The following LINGO2 variants were observed in gnomAD, a reference collection of about 807,000 sequenced individuals.
The protein encoded by LINGO2 is leucine-rich repeat and immunoglobulin-like domain-containing nogo receptor-interacting protein 2.
Under a neutral mutation model 30.6 loss-of-function variants are expected in LINGO2, and 14 were observed. That is an observed-to-expected ratio of 0.46 (90% confidence interval 0.30 to 0.72). The LOEUF is 0.72. Among genes scored for constraint, LINGO2 ranks in the 30% least tolerant of loss-of-function variants. The probability of loss-of-function intolerance (pLI) is 0.07; values close to 1 mark genes in which losing one functional copy is unlikely to be tolerated. For synonymous variants in LINGO2, 317 were observed against 288.5 expected, an observed-to-expected ratio of 1.10 and a Z score of -1.00; for missense variants, 729 against 751.7, an observed-to-expected ratio of 0.97 and a Z score of 0.35.
At chr9:28,273,903 C>T (rs1823028149) in intron 4 of LINGO2, among the ~76,000 whole-genome samples, 1 of 152,120 alleles carries the variant, frequency 6.6e-6, no homozygotes, top group Non-Finnish European at 1.5e-5. Flanking sequence ...ATTTACCAGA[C>T]ACAGCAATAT....
At chr9:28,214,298 A>C (rs2133870533) in intron 4 of LINGO2, among the ~76,000 whole-genome samples, 1 of 151,750 alleles carries the variant, frequency 6.6e-6, no homozygotes, top group East Asian at 1.9e-4. Context: ...GATAATAGTG[A>C]AAGTTGTACA....
the LINGO2 span, among the ~76,000 whole-genome samples, chr9:29,098,490 C>T: frequency 6.8e-6 from 1 of 147,264 alleles, no homozygotes; most frequent in South Asian, 2.2e-4. Context: ...CACACACATA[C>T]ACACACATCA....
At chr9:28,407,886 A>G (rs1164128372) in intron 2 of LINGO2, among the ~76,000 whole-genome samples, 4 of 152,142 alleles carry the variant, frequency 2.6e-5, no homozygotes, top group African/African-American at 9.7e-5. Context: ...TTTGTTGGCC[A>G]AAGCATTCTA....
the LINGO2 span, among the ~76,000 whole-genome samples, chr9:29,029,844 T>C: frequency 6.7e-6 from 1 of 149,254 alleles, no homozygotes; most frequent in African/African-American, 2.5e-5. Context: ...ATATAAATCA[T>C]ATTTAAAAGA....
At chr9:28,376,391 T>C (rs1398829350) in intron 2 of LINGO2, among the ~76,000 whole-genome samples, 1 of 152,182 alleles carries the variant, frequency 6.6e-6, no homozygotes, top group Non-Finnish European at 1.5e-5. Flanking sequence ...CCTATTCGGA[T>C]TCTGGAGGAG....
chr9:29,013,014 T>C, the LINGO2 span, among the ~76,000 whole-genome samples: 9 of 152,172 alleles, frequency 5.9e-5, no homozygotes, highest in African/African-American at 1.9e-4. Context: ...CATCCCAAGA[T>C]GACTGTCTAC....
chr9:29,091,400 C>G, the LINGO2 span, among the ~76,000 whole-genome samples: 1 of 126,530 alleles, frequency 7.9e-6, no homozygotes, highest in Non-Finnish European at 1.7e-5. Context: ...AGTAATATTT[C>G]AAAAAAAATT....
chr9:28,651,045 G>A (rs988547384), intron 1 of LINGO2, among the ~76,000 whole-genome samples: 2 of 151,944 alleles, frequency 1.3e-5, no homozygotes, highest in African/African-American at 2.4e-5. Context: ...AAAAAAATTA[G>A]CCGGGCATGG....
chr9:27,997,097 C>T (rs183057391), intron 5 of LINGO2, among the ~76,000 whole-genome samples: 6 of 152,122 alleles, frequency 3.9e-5, no homozygotes, highest in Admixed American at 2.6e-4. Context: ...CCTTACAATA[C>T]CATCAGTTAC....
At chr9:28,727,939 G>A in the LINGO2 span, among the ~76,000 whole-genome samples, 2 of 152,116 alleles carry the variant, frequency 1.3e-5, no homozygotes, top group Non-Finnish European at 2.9e-5. Flanking sequence ...TTCTCTCAAC[G>A]AGATTATGCT....
At chr9:28,625,652 C>G (rs1826626853) in intron 1 of LINGO2, among the ~76,000 whole-genome samples, 1 of 151,844 alleles carries the variant, frequency 6.6e-6, no homozygotes, top group Non-Finnish European at 1.5e-5. Flanking sequence ...ATGAGGTATG[C>G]CCATTTTTTT....
At chr9:28,632,856 T>TTA (rs543651831) in intron 1 of LINGO2, among the ~76,000 whole-genome samples, 4,041 of 93,514 alleles carry the variant, frequency 0.043, 109 homozygotes, top group South Asian at 0.076. Flanking sequence ...TATATATTTT[T>TTA]TATATATATA....
At chr9:28,165,707 G>A (rs1174215976) in intron 4 of LINGO2, among the ~76,000 whole-genome samples, 1 of 152,112 alleles carries the variant, frequency 6.6e-6, no homozygotes, top group African/African-American at 2.4e-5. Context: ...GAAGCTAAGG[G>A]AGGCTTCCTT....
At chr9:29,032,703 A>AT in the LINGO2 span, among the ~76,000 whole-genome samples, 5 of 152,162 alleles carry the variant, frequency 3.3e-5, no homozygotes, top group Non-Finnish European at 4.4e-5. Flanking sequence ...ACCAAAAATG[A>AT]TTAACACAGT....
At chr9:28,649,596 T>G (rs997151777) in intron 1 of LINGO2, among the ~76,000 whole-genome samples, 18 of 152,046 alleles carry the variant, frequency 1.2e-4, no homozygotes, top group African/African-American at 4.1e-4. Context: ...TAAAAAAATT[T>G]TAAGTTACCT....
At chr9:28,340,401 C>G (rs950834676) in intron 3 of LINGO2, among the ~76,000 whole-genome samples, 1 of 151,934 alleles carries the variant, frequency 6.6e-6, no homozygotes, top group Admixed American at 6.6e-5. Flanking sequence ...TGCATAAAAT[C>G]GAGAACACAT....
At chr9:28,908,450 CAA>C in the LINGO2 span, among the ~76,000 whole-genome samples, 1 of 151,786 alleles carries the variant, frequency 6.6e-6, no homozygotes, top group African/African-American at 2.4e-5. Flanking sequence ...CTGGAGAAAA[CAA>C]ACAACAATAC....
the LINGO2 span, among the ~76,000 whole-genome samples, chr9:28,837,479 C>T: frequency 2.4e-4 from 36 of 150,968 alleles, no homozygotes; most frequent in African/African-American, 8.0e-4. Flanking sequence ...AACCCCATCT[C>T]TCCTAAAAAT....
intron 2 of LINGO2, among the ~76,000 whole-genome samples, chr9:28,461,577 T>C (rs937177683): frequency 1.2e-4 from 18 of 152,160 alleles, no homozygotes; most frequent in African/African-American, 3.6e-4. Flanking sequence ...GTAACAAATA[T>C]TGAGAATTGA....
Sources: allele counts gnomAD v4.1 joint callset (sites outside exome capture counted in the v4.1 genomes callset), GRCh38; gene constraint gnomAD v4.1.1; transcripts MANE v1.5; gene names NCBI Gene and HGNC (gene_info 2026-07-23, HGNC 2026-07-21).